TTN: variants seen among roughly 807,000 people sequenced by gnomAD.
The protein encoded by TTN is titin, also known as connectin.
A neutral mutation model predicts 3,223.0 loss-of-function variants in TTN; 1,525 were observed. The ratio of observed to expected loss-of-function variants is 0.47; its 90% confidence interval spans 0.45 to 0.49. The LOEUF is 0.49. TTN is among the 20% of genes least tolerant of loss of function. The pLI is 0.00. For missense variants in TTN, 40,786 were observed against 43,424.0 expected (o/e 0.94, Z 5.40); for synonymous variants, 14,094 against 15,161.0 (o/e 0.93, Z 5.17).
Position 178,775,497 on chromosome 2 carries a change from G to A in TTN, c.6367C>T (p.Arg2123Trp), listed in dbSNP as rs777316854. ...TCTTCGGGCCAGTACCAGTAGATCC[G>A]GTCAGACCGTTCAATTTTGACACCA... The part of the protein sequence containing the change: ...KNGVKIERSD[R>W]IYWYWPEDNV... The change falls in exon 28 of 363, where the codon CGG becomes TGG. Residue 2123 changes from arginine to tryptophan, a missense_variant. By Grantham distance (101) the Arg-to-Trp change is moderately radical. Coordinates refer to ENST00000589042, the MANE Select transcript of TTN (RefSeq NM_001267550.2). 1.2e-5 allele frequency: 19 copies of A among 1,613,834 alleles called. No homozygotes were observed. Among genetic ancestry groups the A allele is most frequent in the African/African-American group, 6.7e-5 (5 of 74,880 alleles).
Position 178,624,478 on chromosome 2 carries a change from G to C in TTN, c.44802C>G (p.Asn14934Lys). 1 of 1,612,398 alleles carries C rather than the reference G, an allele frequency of 6.2e-7. No individual in the cohort carries two copies. The highest frequency in any genetic ancestry group is 2.2e-5 in the East Asian group (1 of 44,740). ...AAGAATACTTACGCACGACATTCAG[G>C]TTACAGGAAGTCTTAAAATCCTTAG... ...CDAKDFKTSC[N>K]LNVVPPHVEF... The change falls in exon 242 of 363, where the codon AAC becomes AAG. Residue 14934 changes from asparagine to lysine, a missense_variant. Physicochemically the swap from Asn to Lys is moderately conservative, Grantham distance 94. Coordinates refer to ENST00000589042, the MANE Select transcript of TTN (RefSeq NM_001267550.2).
rs948250456 is a variant in TTN, at chr2:178,712,997, A to C, written c.27050-22T>G. Reference sequence around the variant, plus strand: ...GGTTCTAAACACAAAAGCACATATCAGAAAAGGTTTAGTATTTGTGAATTG... The same window carrying C: ...GGTTCTAAACACAAAAGCACATATCCGAAAAGGTTTAGTATTTGTGAATTG... On this transcript the variant is annotated intron_variant, in intron 93 of 362. Transcript: ENST00000589042. 5 of 1,608,346 alleles carry C rather than the reference A, an allele frequency of 3.1e-6. No individual in the cohort carries two copies. In the African/African-American group the frequency reaches 5.4e-5, roughly 17 times the overall value.
rs559564145 is a variant in TTN, at chr2:178,650,838, T to C, written c.39626-4A>G. The C allele has an allele frequency of 1.1e-5, 18 of 1,596,500 alleles. No individual in the cohort carries two copies. The Admixed American group carries it at 1.9e-4, about 17-fold the overall frequency. On this transcript the variant is annotated splice_region_variant and splice_polypyrimidine_tract_variant and intron_variant, in intron 208 of 362. Transcript: ENST00000589042. Reference sequence around the variant, plus strand: ...GGTTTCTTTGGCACTTCTGGCACTTTAAAGATATTAATTCATTTTTCTTAT... The same window carrying C: ...GGTTTCTTTGGCACTTCTGGCACTTCAAAGATATTAATTCATTTTTCTTAT...
Position 178,539,551 on chromosome 2 carries a change from C to T in TTN, c.98514G>A (p.Val32838=), listed in dbSNP as rs766256695. The change falls in exon 352 of 363, where the codon GTG becomes GTA. Residue 32838 remains valine (V), a synonymous_variant. Coordinates refer to ENST00000589042, the MANE Select transcript of TTN (RefSeq NM_001267550.2). Reference sequence around the variant, plus strand: ...CAATGGTATACCAGGCGGCTTTAGGCACTTCTCGTCTCTCGAGGATGTAGC... The same window carrying T: ...CAATGGTATACCAGGCGGCTTTAGGTACTTCTCGTCTCTCGAGGATGTAGC... ...ILGYILERRE[V]PKAAWYTIDS... 6 of 1,613,668 alleles carry T rather than the reference C, an allele frequency of 3.7e-6. No homozygotes were observed. Among genetic ancestry groups the T allele is most frequent in the Non-Finnish European group, 5.1e-6 (6 of 1,179,792 alleles).
rs368540797 is a variant in TTN at position 178,682,731 on chromosome 2, A to G, written c.33060T>C (p.Tyr11020=). 2 of 1,612,528 alleles carry G rather than the reference A, an allele frequency of 1.2e-6. No individual in the cohort carries two copies. The highest frequency in any genetic ancestry group is 2.7e-5 in the African/African-American group (2 of 74,840). ...DQYEEYEERE[Y]ERYEEHEEYI... ...ATTCTTCATGCTCTTCATATCGTTC[A>G]TACTCCCGCTCCTCGTATTCTTCAT... The change falls in exon 135 of 363, where the codon TAT becomes TAC. Residue 11020 remains tyrosine, a synonymous_variant. Transcript: ENST00000589042.
chr2:178,569,137 G>C lies in TTN; in HGVS notation c.76995C>G (p.Leu25665=), dbSNP rs762148742. ...TAAAGTAATAACTGCAACCTTCTTG[G>C]AGCTGATCGATTTTCCAAGAATTCT... ...CHKNSWKIDQ[L]QEGCSYYFRV... The change falls in exon 326 of 363, where the codon CTC becomes CTG. Residue 25665 remains leucine (L), a synonymous_variant. Transcript: ENST00000589042. 3 of 1,613,278 alleles carry C rather than the reference G, an allele frequency of 1.9e-6. No homozygotes were observed. The highest frequency in any genetic ancestry group is 1.3e-5 in the African/African-American group (1 of 74,862).
At chr2:178,556,455 CAAAAAAAA>C (rs1358914365) in intron 330 of TTN, 701 of 186,222 alleles carry the variant, frequency 3.8e-3, no homozygotes, top group African/African-American at 0.017. Flanking sequence ...AACAAACAAA[CAAAAAAAA>C]AAAAACCAAA....
In TTN at chr2:178,574,946, G is replaced by C; in HGVS notation, c.71186C>G (p.Pro23729Arg). The change falls in exon 326 of 363, where the codon CCA (proline) becomes CGA (arginine). Residue 23729 changes from proline (P) to arginine (R), a missense_variant. Transcript: ENST00000589042. Reference sequence around the variant, plus strand: ...ATCAAATTTGATTGGTCCAGTAGGTGGCCCTGGGATATCATGGACTTGAAT... The same window carrying C: ...ATCAAATTTGATTGGTCCAGTAGGTCGCCCTGGGATATCATGGACTTGAAT... The part of the protein sequence containing the change: ...ITIQVHDIPG[P>R]PTGPIKFDEV... 6.2e-7 allele frequency: 1 copy of C among 1,613,056 alleles called. No individual in the cohort carries two copies. The highest frequency in any genetic ancestry group is 8.5e-7 in the Non-Finnish European group (1 of 1,179,506).
chr2:178,691,867 G>A (rs753328624), intron 121 of TTN, 149 bp downstream of exon 121: 6 of 546,726 alleles, frequency 1.1e-5, no homozygotes, highest in Non-Finnish European at 1.9e-5. Context: ...TATGTCAAGA[G>A]CATGGCACGG....
At chr2:178,715,876 CT>C in intron 88 of TTN, 102 bp from the exon 89 acceptor site, 1 of 1,176,860 alleles carries the variant, frequency 8.5e-7, no homozygotes, top group Non-Finnish European at 1.2e-6. Context: ...GTCTTTAGCT[CT>C]GGAAAACAAA....
intron 211 of TTN, 27 bp from the exon 212 acceptor site, chr2:178,649,658 A>G: frequency 6.5e-7 from 1 of 1,550,364 alleles, no homozygotes. Context: ...AGCATTTAAT[A>G]ATACAAAGTT....
chr2:178,620,736 C>T lies in TTN; in HGVS notation c.45874G>A (p.Ala15292Thr). ...TTACCTTCTACTATTAGATTGGCTG[C>T]ACTTTTAACATTTTCACCTCTGTGA... ...TNHRGENVKS[A>T]ANLIVEEEDL... Residue 15292 changes from alanine (A) to threonine (T), a missense_variant, in exon 247 of 363, where the codon GCA becomes ACA. Coordinates refer to ENST00000589042, the MANE Select transcript of TTN (RefSeq NM_001267550.2). 6.2e-7 allele frequency: 1 copy of T among 1,612,696 alleles called. No homozygotes were observed. The highest frequency in any genetic ancestry group is 8.5e-7 in the Non-Finnish European group (1 of 1,179,112).
At chr2:178,545,190 C>T (rs1003738997) in intron 344 of TTN, among the ~76,000 whole-genome samples, 198 bp downstream of exon 344, 1 of 152,066 alleles carries the variant, frequency 6.6e-6, no homozygotes, top group Non-Finnish European at 1.5e-5. Context: ...CAACTTTTAG[C>T]AATTCTAATT....
rs560198011 is a variant in TTN at position 178,784,251 on chromosome 2, T to G, written c.2594A>C (p.Lys865Thr). Residue 865 changes from lysine (K) to threonine (T), a missense_variant, in exon 16 of 363, where the codon AAG (lysine) becomes ACG (threonine). Lys to Thr is a moderately conservative substitution (Grantham distance 78). Transcript: ENST00000589042. Reference sequence around the variant, plus strand: ...TGCCCTTACTCTAGTCTCACTGGGCTTCACAGTAGGAGCCTTCACCGATTT... The same window carrying G: ...TGCCCTTACTCTAGTCTCACTGGGCGTCACAGTAGGAGCCTTCACCGATTT... ...ITKSVKAPTVKPSETRVRAEP... is the reference protein window; with the variant it reads ...ITKSVKAPTVTPSETRVRAEP... The G allele has an allele frequency of 6.2e-7, 1 of 1,614,164 alleles. No individual in the cohort carries two copies. Among genetic ancestry groups the G allele is most frequent in the African/African-American group, 1.3e-5 (1 of 75,060 alleles).
chr2:178,797,881 T>C (rs1400005903), intron 6 of TTN, among the ~76,000 whole-genome samples: 2 of 152,156 alleles, frequency 1.3e-5, no homozygotes, highest in Non-Finnish European at 2.9e-5. Context: ...TCTCTTTTTT[T>C]TTCATTTTTT....
At chr2:178,788,346 T>C (rs1324758177) in intron 13 of TTN, among the ~76,000 whole-genome samples, 2 of 152,076 alleles carry the variant, frequency 1.3e-5, no homozygotes, top group Admixed American at 1.3e-4. Context: ...AAAAACAAGA[T>C]AGTCAATTCA....
intron 242 of TTN, among the ~76,000 whole-genome samples, chr2:178,623,701 G>A (rs1261906147): frequency 1.3e-5 from 2 of 151,906 alleles, no homozygotes; most frequent in African/African-American, 4.8e-5. Context: ...CTAGGTTGTA[G>A]CTGTTGACAG....
In TTN at chr2:178,666,882, T is replaced by C. The variant is rs769056342; in HGVS notation, c.35817A>G (p.Glu11939=). 1.5e-5 allele frequency: 23 copies of C among 1,565,914 alleles called. No individual in the cohort carries two copies. In the East Asian group the frequency reaches 5.3e-4, roughly 36 times the overall value. ...PPTEEFEVFK[E]VIPEGETPIV... is the part of the protein sequence containing the mutation. ...TAGGAGTTTCTCCCTCTGGAATGAC[T>C]TCCTTGAAGACTTCAAACTCTTTAA... The change falls in exon 163 of 363, where the codon GAA becomes GAG. Residue 11939 remains glutamate (E), a synonymous_variant. Transcript: ENST00000589042.
rs1360063657 is a variant in TTN, at chr2:178,646,471, A to G, written c.40297+14T>C. On this transcript the variant is annotated intron_variant, in intron 216 of 362. Transcript: ENST00000589042. ...AATATGATAAAGAAGATTTAAGTCCACTGGATTGAATACCTTTTACTGGTA... is the reference window on the plus strand; with the variant it reads ...AATATGATAAAGAAGATTTAAGTCCGCTGGATTGAATACCTTTTACTGGTA... The G allele has an allele frequency of 2.6e-6, 4 of 1,527,450 alleles. No homozygotes were observed. The Admixed American group carries it at 5.9e-5, about 23-fold the overall frequency. 94.6% of individuals were successfully genotyped at this position (1,527,450 alleles called of 1,614,324 possible).
Sources: gnomAD v4.1 joint callset for allele counts (sites outside exome capture counted in the v4.1 genomes callset) on GRCh38, gnomAD v4.1.1 for gene constraint, MANE v1.5 for transcripts, NCBI Gene and HGNC (gene_info 2026-07-23, HGNC 2026-07-21) for gene names.